GLRB: variants seen among roughly 807,000 people sequenced by gnomAD.
GLRB encodes glycine receptor beta, also known as glycine receptor subunit beta.
GLRB carries 33 observed loss-of-function variants against 54.2 expected under a neutral mutation model. The ratio of observed to expected loss-of-function variants is 0.61; its 90% CI spans 0.46 to 0.81. The LOEUF is 0.81. Ranked by LOEUF, GLRB falls within the 40% of genes least tolerant of loss-of-function variation. The probability of loss-of-function intolerance (pLI) is 0.00; values close to 1 mark genes in which losing one functional copy is unlikely to be tolerated. For synonymous variants in GLRB, 209 were observed against 208.2 expected, an observed-to-expected ratio of 1.00 and a Z score of -0.03; for missense variants, 572 against 584.6, an observed-to-expected ratio of 0.98 and a Z score of 0.22.
At chr4:157,169,517 C>T (rs868702521) in intron 9 of GLRB, among the ~76,000 whole-genome samples, 2 of 152,188 alleles carry the variant, frequency 1.3e-5, no homozygotes, top group Middle Eastern at 3.4e-3. Flanking sequence ...ACTCAAGTCC[C>T]TGCAGTCTGC....
chr4:157,136,651 C>T lies in GLRB; in HGVS notation c.480C>T (p.Asn160=), dbSNP rs150169122. ...ATTTTCATGATGTGACCCAGGAAAACATCCTCCTCTTTATTTTTCGTGATG... is the reference window on the plus strand; with the variant it reads ...ATTTTCATGATGTGACCCAGGAAAATATCCTCCTCTTTATTTTTCGTGATG... ...SANFHDVTQE[N]ILLFIFRDGD... Residue 160 remains asparagine (N), a synonymous_variant, in exon 5 of 10, where the codon AAC becomes AAT. Transcript: ENST00000264428. 14 of 1,612,772 alleles carry T rather than the reference C, an allele frequency of 8.7e-6. No individual in the cohort carries two copies. Among genetic ancestry groups the T allele is most frequent in the South Asian group, 2.2e-5 (2 of 91,040 alleles).
At chr4:157,102,481 C>T (rs986440329) in intron 2 of GLRB, among the ~76,000 whole-genome samples, 11 of 151,968 alleles carry the variant, frequency 7.2e-5, no homozygotes, top group African/African-American at 2.2e-4. Flanking sequence ...ATTATGTCCT[C>T]GGGGTTTATC....
At chr4:157,100,009 G>A (rs1186566947) in intron 2 of GLRB, among the ~76,000 whole-genome samples, 4 of 152,096 alleles carry the variant, frequency 2.6e-5, no homozygotes, top group Non-Finnish European at 5.9e-5. Flanking sequence ...TTATTAACAT[G>A]TAGGCGTTCT....
At position 157,078,065 on chromosome 4, in the gene GLRB, C is replaced by G; in HGVS notation, c.41C>G (p.Ser14Cys). Residue 14 changes from serine (S) to cysteine (C), a missense_variant, in exon 2 of 10, where the codon TCC (serine) becomes TGC (cysteine). Coordinates refer to ENST00000264428, the MANE Select transcript of GLRB (RefSeq NM_000824.5). ...ACAACTGCCTTTTTAATTTTAATTT[C>G]CTTGTGGGTGGAAGAAGCCTATTCT... ...LLTTAFLILI[S>C]LWVEEAYSKE... is the part of the protein sequence containing the mutation. The G allele has an allele frequency of 1.9e-6, 3 of 1,610,890 alleles. No homozygotes were observed. The African/African-American group carries it at 4.0e-5, about 22-fold the overall frequency.
intron 9 of GLRB, among the ~76,000 whole-genome samples, chr4:157,164,609 C>A (rs1046547434): frequency 6.6e-6 from 1 of 151,974 alleles, no homozygotes; most frequent in Non-Finnish European, 1.5e-5. Flanking sequence ...AATGTAGTAA[C>A]AATACTAATA....
chr4:157,143,728 CGTTTCCA>C, intron 7 of GLRB, 72 bp from the exon 8 acceptor site: 1 of 1,408,588 alleles, frequency 7.1e-7, no homozygotes, highest in Non-Finnish European at 9.9e-7. Flanking sequence ...AGTGACTTAC[CGTTTCCA>C]GGTCTGTCAT....
chr4:157,080,173 A>T (rs1250846912), intron 2 of GLRB, among the ~76,000 whole-genome samples: 1 of 152,214 alleles, frequency 6.6e-6, no homozygotes, highest in Non-Finnish European at 1.5e-5. Context: ...TTTCAAAGTT[A>T]AATTTAGTAG....
intron 9 of GLRB, among the ~76,000 whole-genome samples, chr4:157,154,976 T>A (rs1239379805): frequency 2.0e-5 from 3 of 152,202 alleles, no homozygotes; most frequent in Non-Finnish European, 2.9e-5. Context: ...TCTGCATACA[T>A]TTAGAGCCAC....
chr4:157,092,523 A>T (rs972552702), intron 2 of GLRB, among the ~76,000 whole-genome samples: 4 of 152,192 alleles, frequency 2.6e-5, no homozygotes, highest in African/African-American at 9.7e-5. Context: ...ACCATTAGTT[A>T]AGCTAATAGT....
chr4:157,077,337 A>G (rs1160917361), intron 1 of GLRB, among the ~76,000 whole-genome samples: 4 of 152,186 alleles, frequency 2.6e-5, no homozygotes, highest in African/African-American at 9.7e-5. Context: ...TGTTAGTAGC[A>G]AATAAGTAAG....
At chr4:157,084,812 T>G in intron 2 of GLRB, 1 of 391,700 alleles carries the variant, frequency 2.6e-6, no homozygotes, top group Non-Finnish European at 5.0e-6. Flanking sequence ...TTCTGACTGT[T>G]TTGTCTCCTT....
chr4:157,152,816 G>A lies in GLRB; in HGVS notation c.1003G>A (p.Ala335Thr), dbSNP rs763990271. 9.9e-6 allele frequency: 16 copies of A among 1,613,944 alleles called. No individual in the cohort carries two copies. In the South Asian group the frequency reaches 1.8e-4, roughly 18 times the overall value. Reference protein sequence around the residue: ...YVKALDVWLIACLLFGFASLV... With the variant: ...YVKALDVWLITCLLFGFASLV... ...GAAGGCTCTTGATGTTTGGCTTATT[G>A]CTTGCCTTCTCTTTGGGTTTGCTTC... Residue 335 changes from alanine to threonine, a missense_variant, in exon 9 of 10, where the codon GCT (alanine) becomes ACT (threonine). Transcript: ENST00000264428.
At chr4:157,127,914 A>T (rs1295577718) in intron 4 of GLRB, among the ~76,000 whole-genome samples, 2 of 151,890 alleles carry the variant, frequency 1.3e-5, no homozygotes, top group Non-Finnish European at 2.9e-5. Context: ...GCTTGAAGCC[A>T]CTATTTTTGG....
At chr4:157,112,520 G>T (rs1418487094) in intron 2 of GLRB, among the ~76,000 whole-genome samples, 3 of 151,932 alleles carry the variant, frequency 2.0e-5, no homozygotes, top group Admixed American at 1.3e-4. Context: ...GATGTTGTAG[G>T]TTGAATTCTC....
chr4:157,170,275 C>T (rs1053710925), intron 9 of GLRB, among the ~76,000 whole-genome samples, 157 bp from the exon 10 acceptor site: 2 of 152,090 alleles, frequency 1.3e-5, no homozygotes, highest in African/African-American at 4.8e-5. Context: ...CTCAGGCAAT[C>T]TGATGGTTTA....
chr4:157,105,797 C>A (rs1735201979), intron 2 of GLRB, among the ~76,000 whole-genome samples: 1 of 152,006 alleles, frequency 6.6e-6, no homozygotes. Flanking sequence ...TAATAATTGA[C>A]TTAAAGTCTA....
chr4:157,169,994 T>C (rs1032702010), intron 9 of GLRB, among the ~76,000 whole-genome samples: 2 of 152,288 alleles, frequency 1.3e-5, no homozygotes, highest in African/African-American at 2.4e-5. Context: ...TAAACCGCTC[T>C]ACTTGGAAAT....
chr4:157,144,009 A>G, intron 8 of GLRB, 50 bp downstream of exon 8: 1 of 1,533,442 alleles, frequency 6.5e-7, no homozygotes, highest in Non-Finnish European at 9.0e-7. Flanking sequence ...TTATATCTTT[A>G]TCTAACTTAC....
chr4:157,077,767 G>A (rs1268872734), intron 1 of GLRB, among the ~76,000 whole-genome samples: 1 of 148,698 alleles, frequency 6.7e-6, no homozygotes, highest in Non-Finnish European at 1.5e-5. Flanking sequence ...TGTTTTCTAT[G>A]TGCCATTATT....
Sources: allele counts gnomAD v4.1 joint callset (sites outside exome capture counted in the v4.1 genomes callset), GRCh38; gene constraint gnomAD v4.1.1; transcripts MANE v1.5; gene names NCBI Gene and HGNC (gene_info 2026-07-23, HGNC 2026-07-21).